The following CLPTM1 variants were observed in gnomAD, a reference collection of about 807,000 sequenced individuals.
The protein encoded by CLPTM1 is putative lipid scramblase CLPTM1.
Under a neutral mutation model 77.3 loss-of-function variants are expected in CLPTM1, and 21 were observed. The ratio of observed to expected loss-of-function variants is 0.27; its 90% CI spans 0.19 to 0.39. CLPTM1 has a LOEUF of 0.39. CLPTM1 is among the 10% of genes least tolerant of loss of function. CLPTM1 has a pLI of 1.00. For missense variants in CLPTM1, 642 were observed against 921.2 expected (o/e 0.70, Z 3.92); for synonymous variants, 373 against 381.0 (o/e 0.98, Z 0.24).
At chr19:44,987,557 G>A (rs1208033834) in intron 8 of CLPTM1, 134 bp downstream of exon 8, 1 of 1,247,298 alleles carries the variant, frequency 8.0e-7, no homozygotes, top group Non-Finnish European at 1.1e-6. Flanking sequence ...AACCTCCCAG[G>A]TCCCTTCTCC....
Position 44,969,677 on chromosome 19 carries a change from T to C in CLPTM1, c.186-3410T>C, listed in dbSNP as rs556056228. On this transcript the variant is annotated intron_variant, in intron 2 of 13. Coordinates refer to ENST00000337392, the MANE Select transcript of CLPTM1 (RefSeq NM_001294.4). Reference sequence around the variant, plus strand: ...AAATCAAGAAGGAATATTTCTTCTCTTTAAGGACACTTTTTTTTTTTTTTT... The same window carrying C: ...AAATCAAGAAGGAATATTTCTTCTCCTTAAGGACACTTTTTTTTTTTTTTT... Among the ~76,000 whole-genome samples, 182 of 146,572 alleles carry C rather than the reference T, an allele frequency of 1.2e-3. 1 individual carries two copies. The highest frequency in any genetic ancestry group is 1.7e-3 in the Non-Finnish European group (118 of 67,446).
chr19:44,967,087 C>T (rs35193317), intron 2 of CLPTM1, among the ~76,000 whole-genome samples: 59,725 of 151,964 alleles, frequency 0.39, 13,039 homozygotes, highest in Middle Eastern at 0.51. Flanking sequence ...GCTATCCACG[C>T]ACCTCGGGCT....
rs115003057 is a variant in CLPTM1 at position 44,957,648 on chromosome 19, T to G, written c.72+2181T>G. Among the ~76,000 whole-genome samples the G allele has an allele frequency of 6.7e-3, 1,022 of 152,320 alleles. 9 individuals are homozygous for G. Among genetic ancestry groups the G allele is most frequent in the African/African-American group, 0.022 (921 of 41,572 alleles). ...TTGTGTGTGTGCGTGGACGTGCAGATCCGAGAGCAGGAACTGTGTCTTAGT... is the reference window on the plus strand; with the variant it reads ...TTGTGTGTGTGCGTGGACGTGCAGAGCCGAGAGCAGGAACTGTGTCTTAGT... On this transcript the variant is annotated intron_variant, in intron 1 of 13. Coordinates refer to ENST00000337392, the MANE Select transcript of CLPTM1 (RefSeq NM_001294.4).
At chr19:44,987,515 C>A in intron 8 of CLPTM1, 92 bp downstream of exon 8, 1 of 1,518,212 alleles carries the variant, frequency 6.6e-7, no homozygotes, top group Non-Finnish European at 8.9e-7. Flanking sequence ...TGTGGGACCT[C>A]CCGCCTGGTG....
At chr19:44,971,867 CTTTTTT>C (rs10693027) in intron 2 of CLPTM1, among the ~76,000 whole-genome samples, 3 of 83,288 alleles carry the variant, frequency 3.6e-5, no homozygotes, top group South Asian at 4.2e-4. Flanking sequence ...CCCAATTATA[CTTTTTT>C]TTTTTTTTTT....
At chr19:44,982,478 T>G (rs1970914056) in intron 5 of CLPTM1, among the ~76,000 whole-genome samples, 1 of 152,148 alleles carries the variant, frequency 6.6e-6, no homozygotes, top group Non-Finnish European at 1.5e-5. Context: ...CTCTAGAAGA[T>G]TTTCCTCCAA....
At chr19:44,959,169 A>G (rs951563139) in intron 1 of CLPTM1, among the ~76,000 whole-genome samples, 2 of 150,762 alleles carry the variant, frequency 1.3e-5, no homozygotes, top group African/African-American at 4.9e-5. Context: ...GTTGCCAATA[A>G]TGCTGCTATG....
Position 44,990,256 on chromosome 19 carries a change from G to A in CLPTM1, c.1133-139G>A, listed in dbSNP as rs1411283625. On this transcript the variant is annotated intron_variant, in intron 9 of 13. Transcript: ENST00000337392. This position sits in a 1 kb window ranked among gnomAD's most constrained non-coding sequence, Gnocchi z 4.8. ...ATATGAGAGCCTTCCTGGGAGAGAG[G>A]GGTCTCGTTCAGCACCCCTCCTGAG... 2.6e-6 allele frequency: 2 copies of A among 777,674 alleles called. No individual in the cohort carries two copies. Among genetic ancestry groups the A allele is most frequent in the Non-Finnish European group, 4.2e-6 (2 of 475,812 alleles). 48.2% of individuals were successfully genotyped at this position (777,674 alleles called of 1,614,324 possible).
intron 1 of CLPTM1, among the ~76,000 whole-genome samples, chr19:44,959,299 A>ATCC (rs1469369266): frequency 6.9e-6 from 1 of 145,910 alleles, no homozygotes; most frequent in Non-Finnish European, 1.5e-5. Context: ...GGCTCAATGG[A>ATCC]TCCTCCTGCC....
intron 2 of CLPTM1, among the ~76,000 whole-genome samples, chr19:44,962,864 G>T (rs1970565505): frequency 3.3e-5 from 5 of 151,796 alleles, no homozygotes; most frequent in Admixed American, 2.6e-4. Context: ...AAGAGATCGA[G>T]ACCATCCTGG....
intron 6 of CLPTM1, among the ~76,000 whole-genome samples, chr19:44,986,031 A>G (rs1970971954): frequency 6.6e-6 from 1 of 152,156 alleles, no homozygotes; most frequent in Non-Finnish European, 1.5e-5. Flanking sequence ...TTCTGCCAGC[A>G]GTTGCTGTGG....
chr19:44,965,048 C>G (rs1333891050), intron 2 of CLPTM1, among the ~76,000 whole-genome samples: 1 of 152,134 alleles, frequency 6.6e-6, no homozygotes, highest in Admixed American at 6.6e-5. Context: ...CTTCTTTGCT[C>G]TGAGCCTTTG....
intron 1 of CLPTM1, among the ~76,000 whole-genome samples, chr19:44,959,240 AAGAG>A (rs1051389913): frequency 2.0e-5 from 3 of 151,182 alleles, no homozygotes; most frequent in African/African-American, 4.9e-5. Context: ...TTTTCTAAGT[AAGAG>A]AGACAGGGTC....
intron 6 of CLPTM1, among the ~76,000 whole-genome samples, chr19:44,986,156 C>G (rs1230965112): frequency 6.6e-6 from 1 of 152,068 alleles, no homozygotes; most frequent in Non-Finnish European, 1.5e-5. Flanking sequence ...AAGATCAGCC[C>G]AGGCAGCATA....
intron 8 of CLPTM1, 130 bp downstream of exon 8, chr19:44,987,553 C>A: frequency 7.9e-7 from 1 of 1,269,820 alleles, no homozygotes; most frequent in Non-Finnish European, 1.1e-6. Context: ...TCACAACCTC[C>A]CAGGTCCCTT....
chr19:44,980,907 G>T (rs1236183358), intron 5 of CLPTM1, among the ~76,000 whole-genome samples: 1 of 151,016 alleles, frequency 6.6e-6, no homozygotes, highest in African/African-American at 2.4e-5. Context: ...GTGCAGTCTC[G>T]GCTCACTGCA....
chr19:44,962,747 T>C (rs936802734), intron 2 of CLPTM1, among the ~76,000 whole-genome samples: 3 of 151,006 alleles, frequency 2.0e-5, no homozygotes, highest in African/African-American at 7.3e-5. Context: ...CTGGGCAACA[T>C]AGTAAGACCC....
At chr19:44,956,122 AGCATACCATTTCAG>A (rs1055456656) in intron 1 of CLPTM1, among the ~76,000 whole-genome samples, 1 of 152,178 alleles carries the variant, frequency 6.6e-6, no homozygotes, top group Non-Finnish European at 1.5e-5. Flanking sequence ...CACACTGCAG[AGCATACCATTTCAG>A]GCAGCTACCG....
intron 2 of CLPTM1, 65 bp from the exon 3 acceptor site, chr19:44,973,022 T>G: frequency 6.3e-7 from 1 of 1,585,676 alleles, no homozygotes; most frequent in Non-Finnish European, 8.6e-7. Context: ...CAGAAGGAAG[T>G]CAGGCGGGTC....
Sources: gnomAD v4.1 joint callset for allele counts (sites outside exome capture counted in the v4.1 genomes callset) on GRCh38, gnomAD v4.1.1 for gene constraint, Gnocchi (gnomAD v3.1) non-coding constraint, MANE v1.5 for transcripts, NCBI Gene and HGNC (gene_info 2026-07-23, HGNC 2026-07-21) for gene names.